TBC1D5: variants seen among roughly 807,000 people sequenced by gnomAD.
TBC1D5 encodes TBC1 domain family, member 5.
TBC1D5 carries 75 observed loss-of-function variants against 100.3 expected under a neutral mutation model. The observed-to-expected ratio is 0.75, with a 90% CI of 0.62 to 0.91. The LOEUF (loss-of-function observed/expected upper bound fraction) is 0.91. Among genes scored for constraint, TBC1D5 ranks in the 40% least tolerant of loss-of-function variants. The pLI is 0.00. For synonymous variants in TBC1D5, 323 were observed against 325.6 expected, an observed-to-expected ratio of 0.99 and a Z score of 0.09; for missense variants, 910 against 942.4, an observed-to-expected ratio of 0.97 and a Z score of 0.45.
intron 3 of TBC1D5, chr3:17,465,049 T>C (rs1248957392): frequency 6.6e-6 from 1 of 151,696 alleles, no homozygotes; most frequent in African/African-American, 2.4e-5. Flanking sequence ...AGAAAAGGCG[T>C]GAAAAAAATT....
chr3:17,271,903 C>T (rs919418101), intron 15 of TBC1D5, among the ~76,000 whole-genome samples: 1 of 152,062 alleles, frequency 6.6e-6, no homozygotes, highest in African/African-American at 2.4e-5. Context: ...GGTTACTATA[C>T]AAGACGACCA....
intron 2 of TBC1D5, among the ~76,000 whole-genome samples, chr3:17,551,993 C>G (rs920900941): frequency 6.6e-6 from 1 of 152,040 alleles, no homozygotes. Context: ...TGTGTTGATA[C>G]CATCTTCAAC....
intron 1 of TBC1D5, among the ~76,000 whole-genome samples, chr3:17,728,261 G>A (rs938539476): frequency 1.3e-5 from 2 of 152,108 alleles, no homozygotes; most frequent in Non-Finnish European, 2.9e-5. Flanking sequence ...AATTTATTCT[G>A]AAAGTGGTAG....
At chr3:17,159,636 T>TC (rs1187047054) in exon 22 of TBC1D5, 1 of 152,202 alleles carries the variant, frequency 6.6e-6, no homozygotes, top group Non-Finnish European at 1.5e-5. Flanking sequence ...GAGAAACAGC[T>TC]CATGTGATGC....
intron 2 of TBC1D5, among the ~76,000 whole-genome samples, chr3:17,582,446 A>T (rs1255796792): frequency 1.3e-5 from 2 of 152,200 alleles, no homozygotes; most frequent in African/African-American, 2.4e-5. Flanking sequence ...CTGAAGTTGT[A>T]GTTAAAGGAA....
Position 17,341,163 on chromosome 3 carries a change from G to A in TBC1D5, c.995+30912C>T, listed in dbSNP as rs142649323. Reference sequence around the variant, plus strand: ...TAATACTTATTTGAGTGATTACTATGTTGAGCACTTTACATGTAGCTCTTT... The same window carrying A: ...TAATACTTATTTGAGTGATTACTATATTGAGCACTTTACATGTAGCTCTTT... On this transcript the variant is annotated intron_variant, in intron 13 of 21. Transcript: ENST00000253692. Among the ~76,000 whole-genome samples the A allele has an allele frequency of 7.9e-4, 120 of 152,146 alleles. 2 individuals are homozygous for A. In the East Asian group the frequency reaches 0.012, roughly 15 times the overall value.
At chr3:17,740,024 A>C (rs982561812) in exon 1 of TBC1D5, 6 of 151,812 alleles carry the variant, frequency 4.0e-5, no homozygotes, top group African/African-American at 1.5e-4. Flanking sequence ...AAACAAAAAA[A>C]AAAAGGTAGG....
chr3:17,704,499 C>T (rs1398779682), intron 1 of TBC1D5, among the ~76,000 whole-genome samples: 80 of 110,710 alleles, frequency 7.2e-4, no homozygotes, highest in Middle Eastern at 5.3e-3. Context: ...TAGGGGCGGC[C>T]GGGCAGAGGC....
At chr3:17,213,288 A>G (rs1049175038) in intron 18 of TBC1D5, among the ~76,000 whole-genome samples, 1 of 152,222 alleles carries the variant, frequency 6.6e-6, no homozygotes, top group South Asian at 2.1e-4. Flanking sequence ...ACACTCTATG[A>G]TGTTTGCACT....
At chr3:17,616,460 G>A (rs1391766893) in intron 2 of TBC1D5, among the ~76,000 whole-genome samples, 5 of 151,926 alleles carry the variant, frequency 3.3e-5, no homozygotes, top group East Asian at 1.9e-4. Flanking sequence ...CTTCTGTCTC[G>A]GTGATCTGTC....
At chr3:17,272,650 T>C (rs2079552446) in intron 15 of TBC1D5, among the ~76,000 whole-genome samples, 1 of 152,188 alleles carries the variant, frequency 6.6e-6, no homozygotes. Context: ...TATGAGATGG[T>C]AAGGGAACAG....
intron 19 of TBC1D5, among the ~76,000 whole-genome samples, chr3:17,172,851 T>A (rs1200833521): frequency 1.3e-5 from 2 of 152,202 alleles, no homozygotes; most frequent in East Asian, 3.8e-4. Context: ...AAAGGTAACA[T>A]AAGCCTTATT....
chr3:17,432,192 G>C (rs1028530321), intron 3 of TBC1D5, among the ~76,000 whole-genome samples: 3 of 151,958 alleles, frequency 2.0e-5, no homozygotes, highest in African/African-American at 7.2e-5. Context: ...CAGTCTGGGT[G>C]GGGTATTTAA....
intron 1 of TBC1D5, among the ~76,000 whole-genome samples, chr3:17,728,584 T>C (rs1180938088): frequency 1.3e-5 from 2 of 152,102 alleles, no homozygotes; most frequent in Admixed American, 6.5e-5. Context: ...CAAGAACATA[T>C]GGGCATTTTG....
intron 3 of TBC1D5, among the ~76,000 whole-genome samples, chr3:17,490,780 T>C (rs969390532): frequency 3.3e-5 from 5 of 152,220 alleles, no homozygotes; most frequent in Admixed American, 2.6e-4. Flanking sequence ...TTGCTTAGGA[T>C]TGTCTTGGAT....
intron 3 of TBC1D5, among the ~76,000 whole-genome samples, chr3:17,485,285 A>C (rs1425055705): frequency 6.7e-6 from 1 of 148,222 alleles, no homozygotes; most frequent in Non-Finnish European, 1.5e-5. Flanking sequence ...TTTTTTTAGT[A>C]AAATTTTATT....
chr3:17,483,624 G>C (rs918952952), intron 3 of TBC1D5, among the ~76,000 whole-genome samples: 4 of 151,918 alleles, frequency 2.6e-5, no homozygotes, highest in Non-Finnish European at 5.9e-5. Context: ...ACTCACAATT[G>C]AACTGTATAT....
chr3:17,681,028 T>C (rs1314056019), intron 1 of TBC1D5, among the ~76,000 whole-genome samples: 2 of 151,474 alleles, frequency 1.3e-5, no homozygotes, highest in African/African-American at 4.9e-5. Context: ...GGATGAGGCA[T>C]GAAAGAAATC....
At chr3:17,536,557 G>T (rs1220093484) in intron 2 of TBC1D5, among the ~76,000 whole-genome samples, 1 of 152,124 alleles carries the variant, frequency 6.6e-6, no homozygotes, top group Non-Finnish European at 1.5e-5. Flanking sequence ...ATTGTAAAGG[G>T]TTTATTCTGA....
Sources: allele counts gnomAD v4.1 joint callset (sites outside exome capture counted in the v4.1 genomes callset), GRCh38; gene constraint gnomAD v4.1.1; transcripts MANE v1.5; gene names NCBI Gene and HGNC (gene_info 2026-07-23, HGNC 2026-07-21).